The following LPCAT3 variants were observed in gnomAD, a reference collection of about 807,000 sequenced individuals.
LPCAT3 encodes lysophospholipid acyltransferase 5.
LPCAT3 carries 21 observed loss-of-function variants against 63.4 expected under a neutral mutation model. The ratio of observed to expected loss-of-function variants is 0.33; its 90% CI spans 0.23 to 0.48. LPCAT3 has a LOEUF of 0.48. Among genes scored for constraint, LPCAT3 ranks in the 20% least tolerant of loss-of-function variants. The probability of loss-of-function intolerance (pLI) is 0.99; values close to 1 mark genes in which losing one functional copy is unlikely to be tolerated. For synonymous variants in LPCAT3, 242 were observed against 227.5 expected (o/e 1.06, Z -0.58); for missense variants, 451 against 590.6 (o/e 0.76, Z 2.45).
At chr12:6,997,036 T>C (rs2138349312) in intron 1 of LPCAT3, among the ~76,000 whole-genome samples, 1 of 152,120 alleles carries the variant, frequency 6.6e-6, no homozygotes, top group African/African-American at 2.4e-5. Context: ...TGACTAGGTG[T>C]AGGAGAAGGA....
chr12:6,979,352 A>G, intron 7 of LPCAT3, 119 bp downstream of exon 7: 1 of 765,568 alleles, frequency 1.3e-6, no homozygotes, highest in Non-Finnish European at 2.2e-6. Context: ...GATCTAGAGC[A>G]AAACCAACAT....
At chr12:6,988,744 T>C (rs1411795337) in intron 1 of LPCAT3, among the ~76,000 whole-genome samples, 3 of 152,166 alleles carry the variant, frequency 2.0e-5, no homozygotes, top group African/African-American at 7.2e-5. Context: ...CAGTGCTCAG[T>C]CCTGAGGATA....
chr12:7,016,099 ATT>A (rs1201316145), intron 1 of LPCAT3, among the ~76,000 whole-genome samples: 10 of 143,462 alleles, frequency 7.0e-5, no homozygotes, highest in Admixed American at 1.4e-4. Flanking sequence ...ATGTAATACA[ATT>A]TTTTTTTTTT....
intron 1 of LPCAT3, among the ~76,000 whole-genome samples, chr12:6,995,122 T>A (rs1279928638): frequency 5.4e-4 from 3 of 5,596 alleles, no homozygotes; most frequent in Admixed American, 5.0e-3. Flanking sequence ...TTCTCTGGGC[T>A]TTTTTTTTTT....
intron 1 of LPCAT3, among the ~76,000 whole-genome samples, chr12:7,011,472 C>T (rs1223728241): frequency 4.0e-5 from 6 of 151,642 alleles, no homozygotes; most frequent in African/African-American, 1.5e-4. Context: ...ACGGTAAAAC[C>T]CTGTTTCTAC....
chr12:6,995,155 T>C (rs963576304), intron 1 of LPCAT3, among the ~76,000 whole-genome samples: 2 of 151,864 alleles, frequency 1.3e-5, no homozygotes, highest in African/African-American at 2.4e-5. Context: ...AGTGTTACCA[T>C]TCTCCAGGTC....
rs1416755345 is a variant in LPCAT3 at position 7,018,178 on chromosome 12, CG to C, written c.151+95del. On this transcript the variant is annotated intron_variant, in intron 1 of 12. Coordinates refer to ENST00000261407, the MANE Select transcript of LPCAT3 (RefSeq NM_005768.6). The surrounding 1 kb of genome is among the most constrained non-coding windows in gnomAD (Gnocchi z 4.9). ...ACACCCGCACCCGGCACAGCCCTCC[CG>C]GGTGGCTCCGGGAAGAGAGGGAGGT... is the stretch of plus-strand genomic sequence containing the variant. The C allele has an allele frequency of 6.9e-7, 1 of 1,449,880 alleles. No individual in the cohort carries two copies. Among genetic ancestry groups the C allele is most frequent in the Non-Finnish European group, 9.4e-7 (1 of 1,059,544 alleles). The allele number at this position is 1,449,880 out of a possible 1,614,324, so 89.8% of individuals were successfully genotyped here. A position where few individuals can be genotyped will look rare whatever the true frequency, so the allele number is the denominator to read the frequency against.
chr12:6,981,899 G>A lies in LPCAT3; in HGVS notation c.372C>T (p.Tyr124=). ...VLTTFCFQMA[Y]LLAGYYYTAT... ...CAGTGTAATAGTATCCAGCCAGAAG[G>A]TAGGCCTAGGAGAGGCAGAAGTATT... Residue 124 remains tyrosine, a synonymous_variant, in exon 4 of 13, where the codon TAC becomes TAT. Coordinates refer to ENST00000261407, the MANE Select transcript of LPCAT3 (RefSeq NM_005768.6). 2 of 1,583,928 alleles carry A rather than the reference G, an allele frequency of 1.3e-6. No individual in the cohort carries two copies. Among genetic ancestry groups the A allele is most frequent in the Non-Finnish European group, 1.7e-6 (2 of 1,152,504 alleles).
intron 1 of LPCAT3, among the ~76,000 whole-genome samples, chr12:7,002,800 G>A (rs1555156602): frequency 6.6e-6 from 1 of 152,154 alleles, no homozygotes; most frequent in Non-Finnish European, 1.5e-5. Context: ...CACAAGGTCA[G>A]GAGTTCAAGA....
intron 1 of LPCAT3, among the ~76,000 whole-genome samples, chr12:7,013,888 A>G (rs753424406): frequency 3.3e-5 from 5 of 152,322 alleles, no homozygotes; most frequent in South Asian, 2.1e-4. Context: ...AATGTTCCCT[A>G]TCACCTACGT....
At position 7,010,674 on chromosome 12, in the gene LPCAT3, A is replaced by C. The variant is rs932374927; in HGVS notation, c.151+7600T>G. On this transcript the variant is annotated intron_variant, in intron 1 of 12. Transcript: ENST00000261407. ...CATGCTTTCATGTCAGTGATTATAT[A>C]ATTTTTTTTGTAAATTAGCTTATGC... Among the ~76,000 whole-genome samples, 10 of 152,274 alleles carry C rather than the reference A, an allele frequency of 6.6e-5. 1 individual carries two copies. Among genetic ancestry groups the C allele is most frequent in the Admixed American group, 2.6e-4 (4 of 15,290 alleles).
In LPCAT3 at chr12:7,005,727, T is replaced by C. The variant is rs74427591; in HGVS notation, c.151+12547A>G. On this transcript the variant is annotated intron_variant, in intron 1 of 12. Coordinates refer to ENST00000261407, the MANE Select transcript of LPCAT3 (RefSeq NM_005768.6). ...TTCACGAGCTTATTGGCCATGTATA[T>C]GTCTCTTTTAGAGAACTGTCTATTC... Among the ~76,000 whole-genome samples, 67 of 152,376 alleles carry C rather than the reference T, an allele frequency of 4.4e-4. 3 individuals are homozygous for C. In the East Asian group the frequency reaches 0.013, roughly 28 times the overall value.
At chr12:6,983,693 G>A (rs1236159968) in intron 1 of LPCAT3, among the ~76,000 whole-genome samples, 154 bp from the exon 2 acceptor site, 1 of 152,118 alleles carries the variant, frequency 6.6e-6, no homozygotes, top group African/African-American at 2.4e-5. Flanking sequence ...GGCAATAACG[G>A]TATCCCCAAG....
intron 6 of LPCAT3, 185 bp from the exon 7 acceptor site, chr12:6,979,764 TG>T: frequency 1.7e-6 from 1 of 605,286 alleles, no homozygotes; most frequent in Non-Finnish European, 3.0e-6. Context: ...CTATGAGGAA[TG>T]GGGACTGCAA....
chr12:7,001,274 T>A (rs1946685445), intron 1 of LPCAT3, among the ~76,000 whole-genome samples: 1 of 152,134 alleles, frequency 6.6e-6, no homozygotes, highest in Non-Finnish European at 1.5e-5. Flanking sequence ...AGCAACGTGC[T>A]CACATGGTCA....
chr12:6,991,279 A>G (rs1483325450), intron 1 of LPCAT3, among the ~76,000 whole-genome samples: 1 of 152,212 alleles, frequency 6.6e-6, no homozygotes, highest in Non-Finnish European at 1.5e-5. Flanking sequence ...AATTTTGGAT[A>G]TTCTTTAGCG....
chr12:6,986,729 G>A (rs969818006), intron 1 of LPCAT3, among the ~76,000 whole-genome samples: 4 of 146,664 alleles, frequency 2.7e-5, no homozygotes, highest in Non-Finnish European at 5.9e-5. Flanking sequence ...GTTGCAGTGA[G>A]CAGAGATTGC....
chr12:7,004,550 C>T (rs990542199), intron 1 of LPCAT3, among the ~76,000 whole-genome samples: 1 of 152,154 alleles, frequency 6.6e-6, no homozygotes, highest in Non-Finnish European at 1.5e-5. Flanking sequence ...TTTTTAACTA[C>T]TCTGCTATAT....
At chr12:7,016,409 TG>T (rs1489700799) in intron 1 of LPCAT3, among the ~76,000 whole-genome samples, 6 of 151,968 alleles carry the variant, frequency 3.9e-5, no homozygotes, top group African/African-American at 1.5e-4. Context: ...CCCAAGTAGC[TG>T]GGATTACAGG....
Sources: allele counts gnomAD v4.1 joint callset (sites outside exome capture counted in the v4.1 genomes callset), GRCh38; gene constraint gnomAD v4.1.1; non-coding constraint Gnocchi (gnomAD v3.1); transcripts MANE v1.5; gene names NCBI Gene and HGNC (gene_info 2026-07-23, HGNC 2026-07-21).